Variants in ELAPOR2 observed in about 807,000 individuals in gnomAD.
ELAPOR2 encodes the protein endosome-lysosome associated apoptosis and autophagy regulator family member 2.
A neutral mutation model predicts 120.7 loss-of-function variants in ELAPOR2; 89 were observed. The ratio of observed to expected loss-of-function variants is 0.74; its 90% confidence interval spans 0.62 to 0.88. ELAPOR2 has a LOEUF of 0.88. Ranked by LOEUF, ELAPOR2 falls within the 40% of genes least tolerant of loss-of-function variation. ELAPOR2 has a pLI of 0.00. For synonymous variants in ELAPOR2, 444 were observed against 444.9 expected, an observed-to-expected ratio of 1.00 and a Z score of 0.03; for missense variants, 1,134 against 1,251.6, an observed-to-expected ratio of 0.91 and a Z score of 1.42.
intron 2 of ELAPOR2, among the ~76,000 whole-genome samples, chr7:86,948,929 A>G (rs916444402): frequency 1.3e-5 from 2 of 152,228 alleles, no homozygotes; most frequent in African/African-American, 4.8e-5. Flanking sequence ...ATCTCCCAGC[A>G]GAGTGTAAAG....
chr7:86,938,256 T>C, intron 7 of ELAPOR2, 42 bp from the exon 8 acceptor site: 2 of 1,461,670 alleles, frequency 1.4e-6, no homozygotes, highest in South Asian at 2.5e-5. Flanking sequence ...GTCAATTATT[T>C]TGCAACTCTA....
chr7:86,995,100 C>A (rs1292349315), intron 1 of ELAPOR2, among the ~76,000 whole-genome samples: 2 of 152,166 alleles, frequency 1.3e-5, no homozygotes, highest in Non-Finnish European at 2.9e-5. Flanking sequence ...AACAAGACAG[C>A]TGTAGTAGTT....
At chr7:87,009,825 A>G (rs771355515) in intron 1 of ELAPOR2, among the ~76,000 whole-genome samples, 4 of 152,072 alleles carry the variant, frequency 2.6e-5, no homozygotes, top group Non-Finnish European at 5.9e-5. Context: ...AGCTATTAAC[A>G]CCCTCCACAG....
intron 1 of ELAPOR2, among the ~76,000 whole-genome samples, chr7:86,975,595 G>A (rs991371614): frequency 6.6e-6 from 1 of 152,172 alleles, no homozygotes; most frequent in African/African-American, 2.4e-5. Context: ...TTAGGTAACA[G>A]CATGCCCCCT....
intron 16 of ELAPOR2, 70 bp downstream of exon 16, chr7:86,909,742 A>G: frequency 3.0e-6 from 4 of 1,319,432 alleles, no homozygotes; most frequent in Non-Finnish European, 4.2e-6. Flanking sequence ...CACCAATACA[A>G]TGACAAGTTA....
intron 1 of ELAPOR2, among the ~76,000 whole-genome samples, chr7:87,020,790 GA>G (rs1200721546): frequency 6.6e-6 from 1 of 151,792 alleles, no homozygotes; most frequent in Non-Finnish European, 1.5e-5. Context: ...TTAAAATTTA[GA>G]AATTGTAAAG....
chr7:87,007,060 A>G (rs1793506016), intron 1 of ELAPOR2, among the ~76,000 whole-genome samples: 1 of 152,202 alleles, frequency 6.6e-6, no homozygotes, highest in Non-Finnish European at 1.5e-5. Context: ...TGGGCAGCAG[A>G]GTTGGAGAGA....
intron 18 of ELAPOR2, among the ~76,000 whole-genome samples, chr7:86,905,204 GAA>G (rs1491466504): frequency 1.3e-5 from 2 of 148,248 alleles, no homozygotes; most frequent in Non-Finnish European, 3.0e-5. Context: ...GAGAGAGAGA[GAA>G]AGAGAGAGAG....
intron 7 of ELAPOR2, 67 bp downstream of exon 7, chr7:86,938,741 G>C: frequency 6.5e-7 from 1 of 1,550,234 alleles, no homozygotes; most frequent in South Asian, 1.2e-5. Flanking sequence ...GTGACTTCTG[G>C]TTTATAAATG....
intron 1 of ELAPOR2, among the ~76,000 whole-genome samples, chr7:87,024,543 T>C (rs1277859415): frequency 6.6e-6 from 1 of 152,150 alleles, no homozygotes; most frequent in Admixed American, 6.6e-5. Context: ...GTTGTCTCTC[T>C]GCCAGGCTTT....
intron 1 of ELAPOR2, among the ~76,000 whole-genome samples, chr7:86,984,001 G>T (rs1792612354): frequency 6.6e-6 from 1 of 152,152 alleles, no homozygotes; most frequent in East Asian, 1.9e-4. Context: ...GATCTAAGAG[G>T]CAAATGGAAA....
In ELAPOR2 at chr7:86,908,460, G is replaced by T; in HGVS notation, c.2443C>A (p.His815Asn). The T allele has an allele frequency of 6.4e-7, 1 of 1,562,882 alleles. No homozygotes were observed. Residue 815 changes from histidine to asparagine, a missense_variant, in exon 17 of 22, where the codon CAT (histidine) becomes AAT (asparagine). Transcript: ENST00000450689. Reference sequence around the variant, plus strand: ...ATCTTCACTTACTTATAAAAGAAATGCACATCTGGTATTTGGCTTGTTGGA... The same window carrying T: ...ATCTTCACTTACTTATAAAAGAAATTCACATCTGGTATTTGGCTTGTTGGA... The part of the protein sequence containing the change: ...PVPTSQIPDV[H>N]FFYKSSTATT...
At chr7:86,961,223 T>C (rs2116464318) in intron 2 of ELAPOR2, among the ~76,000 whole-genome samples, 1 of 152,304 alleles carries the variant, frequency 6.6e-6, no homozygotes, top group East Asian at 1.9e-4. Flanking sequence ...TTTGATCCTT[T>C]CCTAAATTAA....
intron 2 of ELAPOR2, among the ~76,000 whole-genome samples, chr7:86,952,619 A>G (rs1047952569): frequency 6.6e-6 from 1 of 152,184 alleles, no homozygotes; most frequent in African/African-American, 2.4e-5. Flanking sequence ...TACTACTCCT[A>G]AAACATGCAT....
intron 21 of ELAPOR2, among the ~76,000 whole-genome samples, chr7:86,886,756 T>C (rs1033026908): frequency 4.6e-5 from 7 of 152,152 alleles, no homozygotes; most frequent in Non-Finnish European, 8.8e-5. Flanking sequence ...TGTGGCAGCA[T>C]ACCCTTTGGG....
At chr7:87,040,952 A>C in intron 1 of ELAPOR2, among the ~76,000 whole-genome samples, 1 of 152,060 alleles carries the variant, frequency 6.6e-6, no homozygotes, top group East Asian at 1.9e-4. Context: ...AGGCTCAAGA[A>C]CTACGTGAAG....
At chr7:87,011,970 T>G (rs1282883153) in intron 1 of ELAPOR2, among the ~76,000 whole-genome samples, 2 of 152,186 alleles carry the variant, frequency 1.3e-5, no homozygotes, top group Non-Finnish European at 2.9e-5. Flanking sequence ...TTAATTTTAA[T>G]AATATATTTT....
intron 10 of ELAPOR2, 132 bp downstream of exon 10, chr7:86,925,396 G>T: frequency 1.2e-6 from 1 of 835,030 alleles, no homozygotes; most frequent in Non-Finnish European, 1.9e-6. Flanking sequence ...ACAACCAGAA[G>T]ATGGGCAAGC....
intron 1 of ELAPOR2, among the ~76,000 whole-genome samples, chr7:86,991,651 G>A (rs985263000): frequency 5.9e-5 from 9 of 152,140 alleles, no homozygotes; most frequent in African/African-American, 2.2e-4. Flanking sequence ...GAGCCAGTTT[G>A]TTCAAGCAAG....
Sources: gnomAD v4.1 joint callset for allele counts (sites outside exome capture counted in the v4.1 genomes callset) on GRCh38, gnomAD v4.1.1 for gene constraint, MANE v1.5 for transcripts, NCBI Gene and HGNC (gene_info 2026-07-23, HGNC 2026-07-21) for gene names.